Variants in SMIM35 observed in about 807,000 individuals in gnomAD.
The protein encoded by SMIM35 is TMPRSS4 antisense RNA 1 (non-protein coding).
At chr11:118,012,917 G>A (rs1015499962) in intron 4 of SMIM35, among the ~76,000 whole-genome samples, 6 of 152,230 alleles carry the variant, frequency 3.9e-5, no homozygotes, top group Admixed American at 3.9e-4. Flanking sequence ...GAAGCTCCCT[G>A]CTGGTGTCTG....
At chr11:118,075,474 C>G (rs1565400358) in intron 1 of SMIM35, among the ~76,000 whole-genome samples, 1 of 152,256 alleles carries the variant, frequency 6.6e-6, no homozygotes, top group African/African-American at 2.4e-5. Flanking sequence ...AACCATGAAC[C>G]TGGGGCTTTC....
intron 1 of SMIM35, among the ~76,000 whole-genome samples, chr11:118,084,758 C>T (rs377656189): frequency 6.6e-5 from 10 of 152,230 alleles, no homozygotes; most frequent in East Asian, 5.8e-4. Flanking sequence ...ATCAATAATT[C>T]TCACCAACAA....
chr11:118,080,271 T>C (rs1945018920), intron 1 of SMIM35, among the ~76,000 whole-genome samples: 1 of 152,044 alleles, frequency 6.6e-6, no homozygotes, highest in Admixed American at 6.5e-5. Context: ...ATGGGCAGGC[T>C]CTCTCCAGGC....
intron 1 of SMIM35, chr11:118,077,033 C>T (rs1480268943): frequency 4.4e-6 from 2 of 455,440 alleles, no homozygotes; most frequent in African/African-American, 2.0e-5. Flanking sequence ...TTGGCAACTT[C>T]ACTTGTAGGG....
intron 1 of SMIM35, chr11:118,025,784 C>A (rs1204545585): frequency 1.6e-5 from 7 of 447,886 alleles, no homozygotes; most frequent in African/African-American, 1.2e-4. Context: ...TGTGCAGAAG[C>A]CCTTTAGTTT....
Position 118,006,316 on chromosome 11 carries a change from G to T in SMIM35, c.*94C>A, listed in dbSNP as rs1358122026. 1 of 152,212 alleles carries T rather than the reference G, an allele frequency of 6.6e-6. No individual in the cohort carries two copies. The highest frequency in any genetic ancestry group is 1.5e-5 in the Non-Finnish European group (1 of 68,048). 9.4% of individuals were successfully genotyped at this position (152,212 alleles called of 1,614,324 possible). A position where few individuals can be genotyped will look rare whatever the true frequency, so the allele number is the denominator to read the frequency against. On this transcript the variant is annotated 3_prime_UTR_variant, in exon 5 of 5. Coordinates refer to ENST00000689828, the MANE Select transcript of SMIM35 (RefSeq NM_001394165.1). ...CCCCAGGGAGTAGAAAGAATGCTCA[G>T]CCACTTTCTGTTCTCTCCACATGAA...
At chr11:118,072,726 G>A (rs998774992) in intron 1 of SMIM35, among the ~76,000 whole-genome samples, 1 of 152,184 alleles carries the variant, frequency 6.6e-6, no homozygotes, top group Non-Finnish European at 1.5e-5. Context: ...GATGTCTCCT[G>A]TCTCCTTCAG....
intron 1 of SMIM35, among the ~76,000 whole-genome samples, chr11:118,079,175 T>C (rs912304273): frequency 1.3e-5 from 2 of 152,126 alleles, no homozygotes; most frequent in Non-Finnish European, 2.9e-5. Context: ...GCCCCGGAGC[T>C]AGCCATTATA....
At chr11:118,052,616 G>A (rs1944235327) in intron 1 of SMIM35, among the ~76,000 whole-genome samples, 1 of 151,936 alleles carries the variant, frequency 6.6e-6, no homozygotes, top group Non-Finnish European at 1.5e-5. Context: ...TCTCTCCTCT[G>A]AGATAAGCCC....
At chr11:118,014,818 G>A in intron 2 of SMIM35, 77 bp from the exon 3 acceptor site, 1 of 398,386 alleles carries the variant, frequency 2.5e-6, no homozygotes, top group Non-Finnish European at 4.4e-6. Flanking sequence ...AACGTCTGGT[G>A]CTCCCTCACC....
At chr11:118,070,472 C>G (rs1323703989) in intron 1 of SMIM35, among the ~76,000 whole-genome samples, 1 of 151,812 alleles carries the variant, frequency 6.6e-6, no homozygotes, top group Admixed American at 6.5e-5. Flanking sequence ...CCACCGTGCC[C>G]AGCCTCTAGA....
In SMIM35 at chr11:118,007,303, T is replaced by C. The variant is rs139681809; in HGVS notation, c.*34-927A>G. On this transcript the variant is annotated intron_variant, in intron 4 of 4. Coordinates refer to ENST00000689828, the MANE Select transcript of SMIM35 (RefSeq NM_001394165.1). Reference sequence around the variant, plus strand: ...GGGACCTCAGAGTCCTCAGGTCCAATGGCAGCCTTATACAAACAAACACAG... The same window carrying C: ...GGGACCTCAGAGTCCTCAGGTCCAACGGCAGCCTTATACAAACAAACACAG... Among the ~76,000 whole-genome samples, 57 of 152,338 alleles carry C rather than the reference T, an allele frequency of 3.7e-4. No individual in the cohort carries two copies. In the East Asian group the frequency reaches 0.01, roughly 27 times the overall value.
At chr11:118,073,735 A>G (rs1944610864) in intron 1 of SMIM35, among the ~76,000 whole-genome samples, 1 of 152,212 alleles carries the variant, frequency 6.6e-6, no homozygotes, top group African/African-American at 2.4e-5. Context: ...GGCTGTGGCA[A>G]TAGGCCTTGG....
chr11:118,044,912 G>T (rs1199041383), intron 1 of SMIM35, among the ~76,000 whole-genome samples: 1 of 151,974 alleles, frequency 6.6e-6, no homozygotes, highest in African/African-American at 2.4e-5. Context: ...TACTGACAAG[G>T]AACTTTAAAA....
At chr11:118,083,508 T>A (rs985406155) in intron 1 of SMIM35, among the ~76,000 whole-genome samples, 2 of 152,190 alleles carry the variant, frequency 1.3e-5, no homozygotes, top group African/African-American at 4.8e-5. Flanking sequence ...TCCTATTACA[T>A]ACATGACAGG....
At chr11:118,011,621 G>C (rs2058151103) in intron 4 of SMIM35, among the ~76,000 whole-genome samples, 1 of 152,292 alleles carries the variant, frequency 6.6e-6, no homozygotes, top group East Asian at 1.9e-4. Context: ...GAACCTGGGA[G>C]ACGGAGGTTG....
intron 1 of SMIM35, chr11:118,077,236 C>T: frequency 6.4e-7 from 1 of 1,570,112 alleles, no homozygotes; most frequent in East Asian, 2.4e-5. Context: ...GGGAGGCCCT[C>T]CTGCTGCCTT....
intron 1 of SMIM35, among the ~76,000 whole-genome samples, chr11:118,019,749 G>A (rs996116326): frequency 2.0e-5 from 3 of 150,894 alleles, no homozygotes; most frequent in African/African-American, 7.3e-5. Flanking sequence ...TAATCAACCT[G>A]GAATTCATTT....
At chr11:118,025,954 T>C in intron 1 of SMIM35, 1 of 311,490 alleles carries the variant, frequency 3.2e-6, no homozygotes, top group South Asian at 2.6e-5. Flanking sequence ...TAATTTATCT[T>C]GAGTTAACTT....
Sources: gnomAD v4.1 joint callset for allele counts (sites outside exome capture counted in the v4.1 genomes callset) on GRCh38, gnomAD v4.1.1 for gene constraint, MANE v1.5 for transcripts, NCBI Gene and HGNC (gene_info 2026-07-23, HGNC 2026-07-21) for gene names.